The following LYPD6 variants were observed in gnomAD, a reference collection of about 807,000 sequenced individuals.
LYPD6 encodes the protein LY6/PLAUR domain containing 6, also known as ly6/PLAUR domain-containing protein 6.
A neutral mutation model predicts 22.7 loss-of-function variants in LYPD6; 15 were observed. The ratio of observed to expected loss-of-function variants is 0.66; its 90% CI spans 0.44 to 1.02. The LOEUF is 1.02. Ranked by LOEUF, LYPD6 falls within the 50% of genes least tolerant of loss-of-function variation. The pLI, the probability that LYPD6 is intolerant of heterozygous loss-of-function variation, is 0.00. For synonymous variants in LYPD6, 72 were observed against 77.5 expected (o/e 0.93, Z 0.37); for missense variants, 189 against 208.4 (o/e 0.91, Z 0.57).
rs893700282 is a variant in LYPD6, at chr2:149,453,407, G to A, written c.217+4260G>A. On this transcript the variant is annotated intron_variant, in intron 3 of 4. Coordinates refer to ENST00000334166, the MANE Select transcript of LYPD6 (RefSeq NM_194317.5). ...TTTTAAAAAGGCTTGTTTTGTGGAG[G>A]ATAGCTAAGCCAAAGACATTATGTT... Among the ~76,000 whole-genome samples the A allele has an allele frequency of 3.3e-5, 5 of 152,332 alleles. No homozygotes were observed. In the East Asian group the frequency reaches 7.7e-4, roughly 23 times the overall value.
At chr2:149,460,391 G>A (rs1375062894) in intron 3 of LYPD6, among the ~76,000 whole-genome samples, 11 of 151,934 alleles carry the variant, frequency 7.2e-5, no homozygotes, top group Non-Finnish European at 1.3e-4. Context: ...AGGCAGAGAG[G>A]AACATTATAG....
At chr2:149,356,823 G>C (rs1039897264) in intron 1 of LYPD6, among the ~76,000 whole-genome samples, 1 of 152,162 alleles carries the variant, frequency 6.6e-6, no homozygotes, top group East Asian at 1.9e-4. Flanking sequence ...CTTGTCTACT[G>C]TAGGAGATAT....
intron 3 of LYPD6, among the ~76,000 whole-genome samples, chr2:149,456,500 T>G (rs189871165): frequency 2.0e-3 from 301 of 152,282 alleles, no homozygotes; most frequent in African/African-American, 7.0e-3. Flanking sequence ...ATTCTTATGT[T>G]GAAGTCTTAA....
intron 1 of LYPD6, chr2:149,367,987 A>C (rs1271367782): frequency 6.6e-6 from 1 of 152,218 alleles, no homozygotes; most frequent in East Asian, 1.9e-4. Context: ...GGTACCGTGA[A>C]TATAAGTAGA....
At chr2:149,356,747 A>G (rs539153529) in intron 1 of LYPD6, among the ~76,000 whole-genome samples, 1 of 152,314 alleles carries the variant, frequency 6.6e-6, no homozygotes, top group East Asian at 1.9e-4. Context: ...GGCCAAGGAA[A>G]TAATGCCCTT....
intron 1 of LYPD6, among the ~76,000 whole-genome samples, chr2:149,387,728 G>A (rs1484772677): frequency 6.6e-6 from 1 of 152,142 alleles, no homozygotes; most frequent in East Asian, 1.9e-4. Flanking sequence ...AGACAAATGT[G>A]GGTGAGTGAG....
At chr2:149,449,223 TAAAG>T in intron 3 of LYPD6, 76 bp downstream of exon 3, 1 of 920,848 alleles carries the variant, frequency 1.1e-6, no homozygotes, top group Non-Finnish European at 1.7e-6. Flanking sequence ...TGGTGATGTA[TAAAG>T]AGAGGCATGC....
downstream of LYPD6, among the ~76,000 whole-genome samples, chr2:149,475,709 A>G (rs891814201): frequency 1.3e-5 from 2 of 152,188 alleles, no homozygotes; most frequent in Non-Finnish European, 2.9e-5. Context: ...AGCCTAAGAA[A>G]TTTATCTGGG....
intron 1 of LYPD6, among the ~76,000 whole-genome samples, chr2:149,433,808 A>G (rs2105145973): frequency 6.6e-6 from 1 of 152,208 alleles, no homozygotes; most frequent in African/African-American, 2.4e-5. Context: ...CATGTTGTAT[A>G]TGTACTCTGT....
intron 1 of LYPD6, among the ~76,000 whole-genome samples, chr2:149,350,561 C>T (rs1681339411): frequency 1.3e-5 from 2 of 152,106 alleles, no homozygotes; most frequent in African/African-American, 4.8e-5. Context: ...ACCCTGTGGA[C>T]TCTCTAGTGC....
chr2:149,351,684 A>C (rs1396001005), intron 1 of LYPD6, among the ~76,000 whole-genome samples: 2 of 152,166 alleles, frequency 1.3e-5, no homozygotes, highest in Non-Finnish European at 2.9e-5. Flanking sequence ...TGTTCCAGGA[A>C]GGGGGTTATT....
At chr2:149,381,641 C>T (rs1559131799) in intron 1 of LYPD6, among the ~76,000 whole-genome samples, 1 of 152,168 alleles carries the variant, frequency 6.6e-6, no homozygotes, top group Admixed American at 6.5e-5. Context: ...AGAGTGAGAG[C>T]ACGAGTGGAC....
chr2:149,427,866 A>G (rs1341996641), intron 1 of LYPD6, among the ~76,000 whole-genome samples: 1 of 152,264 alleles, frequency 6.6e-6, no homozygotes, highest in Admixed American at 6.5e-5. Flanking sequence ...GACATACACA[A>G]CAAGACATCA....
intron 1 of LYPD6, among the ~76,000 whole-genome samples, chr2:149,430,954 G>C (rs550130675): frequency 6.6e-6 from 1 of 152,156 alleles, no homozygotes; most frequent in Admixed American, 6.5e-5. Flanking sequence ...CACAGTGAAG[G>C]TTCAGAGTGC....
chr2:149,450,927 G>A (rs140514801), intron 3 of LYPD6, among the ~76,000 whole-genome samples: 2 of 152,312 alleles, frequency 1.3e-5, no homozygotes, highest in East Asian at 3.9e-4. Flanking sequence ...GATTTGCTTT[G>A]TATATCTAGT....
At chr2:149,370,183 TTA>T (rs1353338309) in intron 1 of LYPD6, among the ~76,000 whole-genome samples, 1 of 152,166 alleles carries the variant, frequency 6.6e-6, no homozygotes, top group Non-Finnish European at 1.5e-5. Flanking sequence ...GAAGAGCAAT[TTA>T]AAGGTCTTTG....
At chr2:149,389,591 A>G (rs1168551013) in intron 1 of LYPD6, among the ~76,000 whole-genome samples, 4 of 152,202 alleles carry the variant, frequency 2.6e-5, no homozygotes, top group Admixed American at 1.3e-4. Flanking sequence ...GGACGTTTTC[A>G]TCACAATGCC....
intron 1 of LYPD6, among the ~76,000 whole-genome samples, chr2:149,384,841 T>C (rs986362013): frequency 3.3e-5 from 5 of 151,824 alleles, no homozygotes; most frequent in Non-Finnish European, 5.9e-5. Context: ...AACTCGTCAT[T>C]TAGCATTAGG....
At chr2:149,382,625 A>C (rs1682091831) in intron 1 of LYPD6, among the ~76,000 whole-genome samples, 1 of 152,130 alleles carries the variant, frequency 6.6e-6, no homozygotes. Context: ...AAATCACTGG[A>C]GTTTCTAAGT....
Sources: gnomAD v4.1 joint callset for allele counts (sites outside exome capture counted in the v4.1 genomes callset) on GRCh38, gnomAD v4.1.1 for gene constraint, MANE v1.5 for transcripts, NCBI Gene and HGNC (gene_info 2026-07-23, HGNC 2026-07-21) for gene names.